The following FMN1 variants were observed in gnomAD, a reference collection of about 807,000 sequenced individuals.
FMN1 encodes the protein formin-1.
Under a neutral mutation model 132.4 loss-of-function variants are expected in FMN1, and 110 were observed. That is an observed-to-expected ratio of 0.83 (90% CI 0.71 to 0.97). FMN1 has a LOEUF of 0.97. Among genes scored for constraint, FMN1 ranks in the 50% least tolerant of loss-of-function variants. The pLI, the probability that FMN1 is intolerant of heterozygous loss-of-function variation, is 0.00. For synonymous variants in FMN1, 722 were observed against 651.7 expected, an observed-to-expected ratio of 1.11 and a Z score of -1.64; for missense variants, 1,792 against 1,705.3, an observed-to-expected ratio of 1.05 and a Z score of -0.90.
rs929620279 is a variant in FMN1, at chr15:32,962,678, C to T, written c.3138+1429G>A. On this transcript the variant is annotated intron_variant, in intron 9 of 20. Transcript: ENST00000616417. ...ACAAACAACCCCATCAAAAAGTGGG[C>T]GAAGGACATGAACAGACACTTCTCA... Among the ~76,000 whole-genome samples the T allele has an allele frequency of 5.4e-5, 8 of 148,220 alleles. No homozygotes were observed. In the South Asian group the frequency reaches 6.4e-4, roughly 12 times the overall value.
intron 9 of FMN1, among the ~76,000 whole-genome samples, chr15:32,930,286 CTATTTTTA>C (rs1366390809): frequency 3.3e-5 from 5 of 152,066 alleles, no homozygotes; most frequent in African/African-American, 1.2e-4. Flanking sequence ...CGTCCCTGGT[CTATTTTTA>C]AATTTTTAAA....
intron 19 of FMN1, among the ~76,000 whole-genome samples, chr15:32,798,029 T>C (rs1281647135): frequency 6.6e-6 from 1 of 152,192 alleles, no homozygotes; most frequent in Admixed American, 6.5e-5. Flanking sequence ...TTCTTATACA[T>C]CTGTTCCACA....
intron 10 of FMN1, among the ~76,000 whole-genome samples, chr15:32,919,566 C>T (rs1206799950): frequency 6.6e-6 from 1 of 152,156 alleles, no homozygotes; most frequent in African/African-American, 2.4e-5. Flanking sequence ...TATTTTAATT[C>T]ATATTTTTTG....
chr15:33,148,012 T>C (rs1220805403), intron 4 of FMN1, among the ~76,000 whole-genome samples: 2 of 152,208 alleles, frequency 1.3e-5, no homozygotes, highest in Non-Finnish European at 2.9e-5. Flanking sequence ...TCTCTTTGTA[T>C]GAACTTTTAA....
intron 6 of FMN1, among the ~76,000 whole-genome samples, chr15:33,041,659 C>A (rs931579460): frequency 6.6e-6 from 1 of 151,786 alleles, no homozygotes; most frequent in Non-Finnish European, 1.5e-5. Context: ...AAAATCAAAA[C>A]CACATCATCT....
chr15:32,932,256 TGTGCATGGAGGCACG>T (rs1032314511), intron 9 of FMN1, among the ~76,000 whole-genome samples: 16 of 152,008 alleles, frequency 1.1e-4, no homozygotes, highest in Non-Finnish European at 2.4e-4. Context: ...AAAAATTAGC[TGTGCATGGAGGCACG>T]TGCCTGGTAG....
chr15:32,848,010 C>T (rs1160609902), intron 17 of FMN1, among the ~76,000 whole-genome samples: 1 of 152,038 alleles, frequency 6.6e-6, no homozygotes, highest in African/African-American at 2.4e-5. Flanking sequence ...TCGGGGTAAT[C>T]TGAGAGAAGA....
intron 10 of FMN1, among the ~76,000 whole-genome samples, chr15:32,921,471 T>C (rs912280360): frequency 2.6e-5 from 4 of 152,168 alleles, no homozygotes; most frequent in Admixed American, 6.6e-5. Flanking sequence ...ATGAACAGTG[T>C]GATAGATATT....
At chr15:32,822,575 T>C (rs1297063315) in intron 17 of FMN1, among the ~76,000 whole-genome samples, 2 of 152,192 alleles carry the variant, frequency 1.3e-5, no homozygotes. Flanking sequence ...AGCATTTTTC[T>C]AAAGCCTTGA....
intron 6 of FMN1, among the ~76,000 whole-genome samples, chr15:33,030,386 A>C (rs377355747): frequency 6.6e-6 from 1 of 152,336 alleles, no homozygotes; most frequent in South Asian, 2.1e-4. Flanking sequence ...AAAGTCACAT[A>C]ATGTATTCCT....
At position 33,088,837 on chromosome 15, in the gene FMN1, C is replaced by G. The variant is rs1234250589; in HGVS notation, c.2005G>C (p.Glu669Gln). 2 of 1,535,944 alleles carry G rather than the reference C, an allele frequency of 1.3e-6. No homozygotes were observed. Among genetic ancestry groups the G allele is most frequent in the Middle Eastern group, 1.7e-4 (1 of 5,984 alleles). Residue 669 changes from glutamate to glutamine, a missense_variant, in exon 5 of 21, where the codon GAG (glutamate) becomes CAG (glutamine). Glu to Gln is a conservative substitution (Grantham distance 29). This residue lies in a region of FMN1 where 1,150 missense variants were observed against 1,043.1 expected (regional missense o/e 1.10). Coordinates refer to ENST00000616417, the MANE Select transcript of FMN1 (RefSeq NM_001277313.2). ...ACPFLLHEER[E>Q]KSNRSELYLD... is the part of the protein sequence containing the mutation. ...TACAATTCGCTCCTGTTTGACTTCTCCCTTTCCTCATGAAGCAAAAATGGA... is the reference window on the plus strand; with the variant it reads ...TACAATTCGCTCCTGTTTGACTTCTGCCTTTCCTCATGAAGCAAAAATGGA...
At chr15:32,919,049 T>C (rs1030283546) in intron 10 of FMN1, among the ~76,000 whole-genome samples, 11 of 152,298 alleles carry the variant, frequency 7.2e-5, no homozygotes, top group Admixed American at 3.9e-4. Context: ...AAACTGCCCA[T>C]TTATTTAGTC....
rs576611458 is a variant in FMN1 at position 33,121,589 on chromosome 15, C to T, written c.1867+31459G>A. Among the ~76,000 whole-genome samples, 6 of 152,236 alleles carry T rather than the reference C, an allele frequency of 3.9e-5. 1 individual carries two copies. Among genetic ancestry groups the T allele is most frequent in the South Asian group, 4.1e-4 (2 of 4,830 alleles). On this transcript the variant is annotated intron_variant, in intron 4 of 20. Transcript: ENST00000616417. The stretch of plus-strand genomic sequence containing the variant: ...CTGTCGCCAGGGTAGAGTGCAGTGG[C>T]GCAATCTTGGCTCACTGCAACCTCC...
intron 9 of FMN1, among the ~76,000 whole-genome samples, chr15:32,963,279 T>C (rs1436291797): frequency 7.0e-6 from 1 of 142,856 alleles, no homozygotes; most frequent in East Asian, 2.1e-4. Flanking sequence ...CACTCATAGG[T>C]GGATACTGAA....
At chr15:32,814,142 C>G (rs2057979572) in intron 17 of FMN1, among the ~76,000 whole-genome samples, 2 of 152,180 alleles carry the variant, frequency 1.3e-5, no homozygotes, top group Admixed American at 1.3e-4. Context: ...TGGTCACATT[C>G]TCAAACAGGG....
In FMN1 at chr15:32,969,342, CAT is replaced by C; in HGVS notation, c.2357_2358del (p.Asp786GlyfsTer7). Reference sequence around the variant, plus strand: ...CAGTCATCATCGGTGGAAATGCACACATCTTTCCTCTCTTCACAACCCCCTCG... The same window carrying C: ...CAGTCATCATCGGTGGAAATGCACACCTTTCCTCTCTTCACAACCCCCTCG... The part of the protein sequence containing the change: ...RWRGGCEERK[D>X]VCISTDDDCP... On this transcript the variant is annotated frameshift_variant, in exon 8 of 21. Coordinates refer to ENST00000616417, the MANE Select transcript of FMN1 (RefSeq NM_001277313.2). LOFTEE classifies it high-confidence loss of function. 6.2e-7 allele frequency: 1 copy of C among 1,613,990 alleles called. No homozygotes were observed. The highest frequency in any genetic ancestry group is 1.3e-5 in the African/African-American group (1 of 75,038).
chr15:33,142,485 A>C (rs1262829395), intron 4 of FMN1, among the ~76,000 whole-genome samples: 2 of 152,196 alleles, frequency 1.3e-5, no homozygotes, highest in Non-Finnish European at 2.9e-5. Context: ...AGAAAATCCC[A>C]TGAGGGCAGA....
At chr15:32,787,370 A>C (rs908604487) in intron 19 of FMN1, among the ~76,000 whole-genome samples, 38 of 151,816 alleles carry the variant, frequency 2.5e-4, no homozygotes, top group Non-Finnish European at 4.6e-4. Flanking sequence ...AGACAGACAC[A>C]CTCTTCCATG....
At position 32,770,273 on chromosome 15, in the gene FMN1, A is replaced by C. The variant is rs1164765940; in HGVS notation, c.*4037T>G. ...TCCCATTCACACACTGACTTGGCGC[A>C]ATTTGCTGTGCTGTTGTATGCAATG... On this transcript the variant is annotated 3_prime_UTR_variant, in exon 21 of 21. Coordinates refer to ENST00000616417, the MANE Select transcript of FMN1 (RefSeq NM_001277313.2). The C allele has an allele frequency of 6.6e-6, 1 of 152,202 alleles. No individual in the cohort carries two copies. Among genetic ancestry groups the C allele is most frequent in the Non-Finnish European group, 1.5e-5 (1 of 68,042 alleles). The allele number at this position is 152,202 out of a possible 1,614,324, so 9.4% of individuals were successfully genotyped here.
Sources: allele counts gnomAD v4.1 joint callset (sites outside exome capture counted in the v4.1 genomes callset), GRCh38; gene constraint gnomAD v4.1.1; regional missense constraint gnomAD v4.1.1; transcripts MANE v1.5; gene names NCBI Gene and HGNC (gene_info 2026-07-23, HGNC 2026-07-21).